NXNL2: variants seen among roughly 807,000 people sequenced by gnomAD.
NXNL2 encodes nucleoredoxin like 2.
In NXNL2, 7 loss-of-function variants were observed where a neutral mutation model predicts 11.1. The ratio of observed to expected loss-of-function variants is 0.63; its 90% confidence interval spans 0.36 to 1.18. The LOEUF is 1.18. Among genes scored for constraint, NXNL2 ranks in the 50% most tolerant of loss-of-function variants. NXNL2 has a pLI of 0.02. For missense variants in NXNL2, 233 were observed against 217.7 expected, an observed-to-expected ratio of 1.07 and a Z score of -0.44; for synonymous variants, 109 against 101.8, an observed-to-expected ratio of 1.07 and a Z score of -0.42.
chr9:88,552,224 A>G (rs2118462722), intron 1 of NXNL2, among the ~76,000 whole-genome samples: 1 of 151,916 alleles, frequency 6.6e-6, no homozygotes, highest in Admixed American at 6.6e-5. Context: ...GCTTCCAAAC[A>G]TGTTTTTGTT....
chr9:88,547,061 C>T (rs1383221504), downstream of NXNL2, among the ~76,000 whole-genome samples: 1 of 152,224 alleles, frequency 6.6e-6, no homozygotes, highest in Non-Finnish European at 1.5e-5. Flanking sequence ...CACCATGGGG[C>T]AGGGGTTGAA....
At chr9:88,556,092 G>C (rs1301737922) in intron 1 of NXNL2, among the ~76,000 whole-genome samples, 3 of 152,232 alleles carry the variant, frequency 2.0e-5, no homozygotes, top group Non-Finnish European at 2.9e-5. Flanking sequence ...GGGTGTTACA[G>C]TGGGTCACAA....
chr9:88,571,239 T>TG (rs1331871348), intron 2 of NXNL2: 2 of 255,802 alleles, frequency 7.8e-6, no homozygotes, highest in Admixed American at 1.1e-4. Context: ...CTAATTTTTT[T>TG]TGTATTTTTA....
chr9:88,568,310 A>G (rs1450968384), intron 1 of NXNL2, among the ~76,000 whole-genome samples: 1 of 152,172 alleles, frequency 6.6e-6, no homozygotes, highest in Non-Finnish European at 1.5e-5. Flanking sequence ...GCACAGGGGG[A>G]TCCACACTGA....
chr9:88,560,889 T>C (rs1830077088), intron 1 of NXNL2, among the ~76,000 whole-genome samples: 1 of 151,980 alleles, frequency 6.6e-6, no homozygotes, highest in African/African-American at 2.4e-5. Flanking sequence ...GCAGCAGAGA[T>C]GGATATTGAG....
intron 1 of NXNL2, among the ~76,000 whole-genome samples, chr9:88,540,955 T>C: frequency 8.0e-6 from 1 of 125,518 alleles, no homozygotes; most frequent in Non-Finnish European, 1.6e-5. Context: ...TTTTTTTTTT[T>C]TTTTTTTGGA....
chr9:88,574,231 T>C (rs1013116545), intron 2 of NXNL2, among the ~76,000 whole-genome samples: 3 of 152,216 alleles, frequency 2.0e-5, no homozygotes, highest in African/African-American at 7.2e-5. Flanking sequence ...TGTCTGTCAA[T>C]TGATGAATGG....
chr9:88,550,629 G>A (rs1282265019), intron 1 of NXNL2, among the ~76,000 whole-genome samples: 1 of 152,204 alleles, frequency 6.6e-6, no homozygotes, highest in East Asian at 1.9e-4. Flanking sequence ...TATTGGTTAA[G>A]CTTTGTCTAA....
At chr9:88,552,765 G>A (rs1317647643) in intron 1 of NXNL2, among the ~76,000 whole-genome samples, 2 of 152,050 alleles carry the variant, frequency 1.3e-5, no homozygotes, top group Admixed American at 6.6e-5. Context: ...CACCGCGCCC[G>A]GTGAAACATG....
rs539255598 is a variant in NXNL2, at chr9:88,544,596, C to T, written c.*49C>T. The T allele has an allele frequency of 4.8e-6, 7 of 1,464,210 alleles. No individual in the cohort carries two copies. Among genetic ancestry groups the T allele is most frequent in the African/African-American group, 4.3e-5 (3 of 70,032 alleles). The allele number at this position is 1,464,210 out of a possible 1,614,324, so 90.7% of individuals were successfully genotyped here. A position where few individuals can be genotyped will look rare whatever the true frequency, so the allele number is the denominator to read the frequency against. On this transcript the variant is annotated 3_prime_UTR_variant, in exon 2 of 2. Coordinates refer to ENST00000375854, the MANE Select transcript of NXNL2 (RefSeq NM_001161625.2). ...AGGACAGGTGCTGCTTCTCCAGCAC[C>T]GACGCTGGGGCAAAGAGGAGCATGT... is the stretch of plus-strand genomic sequence containing the variant.
chr9:88,542,991 G>A (rs1829790692), intron 1 of NXNL2, among the ~76,000 whole-genome samples: 1 of 152,210 alleles, frequency 6.6e-6, no homozygotes, highest in South Asian at 2.1e-4. Context: ...ATGGTAAACA[G>A]GAAAGGGATT....
intron 1 of NXNL2, among the ~76,000 whole-genome samples, chr9:88,537,751 A>G (rs1002814718): frequency 1.3e-5 from 2 of 152,228 alleles, no homozygotes; most frequent in African/African-American, 4.8e-5. Flanking sequence ...CCCACAGGAC[A>G]GAGCCAGACA....
intron 1 of NXNL2, among the ~76,000 whole-genome samples, chr9:88,566,669 T>A (rs140138437): frequency 2.0e-3 from 312 of 152,332 alleles, no homozygotes; most frequent in African/African-American, 7.1e-3. Context: ...TTAATCCATT[T>A]TGAGTTGATT....
At chr9:88,564,570 C>G (rs1830140296) in intron 1 of NXNL2, among the ~76,000 whole-genome samples, 1 of 152,082 alleles carries the variant, frequency 6.6e-6, no homozygotes, top group Non-Finnish European at 1.5e-5. Context: ...GCATGTGCCA[C>G]CATGCCCAGC....
At chr9:88,555,031 T>C (rs778913417) in intron 1 of NXNL2, among the ~76,000 whole-genome samples, 4 of 152,250 alleles carry the variant, frequency 2.6e-5, no homozygotes, top group Non-Finnish European at 4.4e-5. Context: ...TTTATTGTCC[T>C]GTACCTAACT....
chr9:88,563,070 G>C (rs1830108628), intron 1 of NXNL2, among the ~76,000 whole-genome samples: 1 of 152,156 alleles, frequency 6.6e-6, no homozygotes, highest in African/African-American at 2.4e-5. Context: ...CCTGGTGACA[G>C]AACGAGACTC....
chr9:88,541,058 G>GCCT (rs916034685), intron 1 of NXNL2, among the ~76,000 whole-genome samples: 14 of 139,606 alleles, frequency 1.0e-4, no homozygotes, highest in Non-Finnish European at 2.0e-4. Flanking sequence ...CGATCCTCAT[G>GCCT]CCTCAGCCTC....
At chr9:88,569,078 C>T (rs748250397) in intron 1 of NXNL2, among the ~76,000 whole-genome samples, 6 of 152,018 alleles carry the variant, frequency 3.9e-5, no homozygotes, top group East Asian at 3.9e-4. Context: ...AGGCATGCAC[C>T]GCCACACCAG....
chr9:88,550,526 G>T (rs1829916236), intron 1 of NXNL2, among the ~76,000 whole-genome samples: 1 of 152,230 alleles, frequency 6.6e-6, no homozygotes, highest in African/African-American at 2.4e-5. Flanking sequence ...TGAATACATG[G>T]AAGCTACACA....
Sources: gnomAD v4.1 joint callset for allele counts (sites outside exome capture counted in the v4.1 genomes callset) on GRCh38, gnomAD v4.1.1 for gene constraint, MANE v1.5 for transcripts, NCBI Gene and HGNC (gene_info 2026-07-23, HGNC 2026-07-21) for gene names.